Variants in NFKB2 observed in about 807,000 individuals in gnomAD.
NFKB2 encodes the protein nuclear factor NF-kappa-B p100 subunit.
Under a neutral mutation model 109.3 loss-of-function variants are expected in NFKB2, and 21 were observed. The ratio of observed to expected loss-of-function variants is 0.19; its 90% CI spans 0.14 to 0.28. The LOEUF is 0.28. Among genes scored for constraint, NFKB2 ranks in the 10% least tolerant of loss-of-function variants. The probability of loss-of-function intolerance (pLI) is 1.00; values close to 1 mark genes in which losing one functional copy is unlikely to be tolerated. For missense variants in NFKB2, 806 were observed against 1,185.3 expected (o/e 0.68, Z 4.70); for synonymous variants, 478 against 489.9 (o/e 0.98, Z 0.32).
rs2061118223 is a variant in NFKB2, at chr10:102,396,564, A to G, written c.144+75A>G. On this transcript the variant is annotated intron_variant, in intron 4 of 22. Coordinates refer to ENST00000661543, the MANE Select transcript of NFKB2 (RefSeq NM_001322934.2). The surrounding 1 kb of genome is among the most constrained non-coding windows in gnomAD (Gnocchi z 5.9). Reference sequence around the variant, plus strand: ...ATGGGGTAGTGGTAGCTGGCTGGCCATGGAGGAGCCATTGCCGAAGGAGGC... The same window carrying G: ...ATGGGGTAGTGGTAGCTGGCTGGCCGTGGAGGAGCCATTGCCGAAGGAGGC... The G allele has an allele frequency of 6.2e-7, 1 of 1,607,296 alleles. No individual in the cohort carries two copies. The highest frequency in any genetic ancestry group is 1.7e-5 in the Admixed American group (1 of 59,620).
In NFKB2 at chr10:102,397,332, T is replaced by C. The variant is rs749673382; in HGVS notation, c.426T>C (p.Thr142=). The C allele has an allele frequency of 1.2e-6, 2 of 1,613,090 alleles. No homozygotes were observed. The highest frequency in any genetic ancestry group is 2.2e-5 in the East Asian group (1 of 44,812). The change falls in exon 7 of 23, where the codon ACT becomes ACC. Residue 142 remains threonine (T), a synonymous_variant. Coordinates refer to ENST00000661543, the MANE Select transcript of NFKB2 (RefSeq NM_001322934.2). The surrounding 1 kb of genome is among the most constrained non-coding windows in gnomAD (Gnocchi z 4.7). ...QFNNLGVLHV[T]KKNMMGTMIQ... ...ACAACCTGGGTGTCCTGCATGTGAC[T>C]AAGAAGAACATGATGGGGACTATGA... is the stretch of plus-strand genomic sequence containing the variant.
chr10:102,396,379 G>GAGA lies in NFKB2; in HGVS notation c.103+46_103+48dup. 1 of 1,613,912 alleles carries GAGA rather than the reference G, an allele frequency of 6.2e-7. No individual in the cohort carries two copies. The highest frequency in any genetic ancestry group is 8.5e-7 in the Non-Finnish European group (1 of 1,179,794). ...TCCCCTAGTCCTAAAGCGGGGGAGG[G>GAGA]AGAGCATGTGCCCTCTCTCTGGGGG... On this transcript the variant is annotated intron_variant, in intron 3 of 22. Transcript: ENST00000661543. This position sits in a 1 kb window ranked among gnomAD's most constrained non-coding sequence, Gnocchi z 5.9.
Position 102,398,546 on chromosome 10 carries a change from A to C in NFKB2, c.991+23A>C, listed in dbSNP as rs762656106. On this transcript the variant is annotated intron_variant, in intron 11 of 22. Coordinates refer to ENST00000661543, the MANE Select transcript of NFKB2 (RefSeq NM_001322934.2). This position sits in a 1 kb window ranked among gnomAD's most constrained non-coding sequence, Gnocchi z 6.6. ...AAGGTGGAGCTGGGCTGAGGACCTC[A>C]GGGTGCTGGCGGGGGGCCAGGCTGG... 6.8e-6 allele frequency: 11 copies of C among 1,611,646 alleles called. No homozygotes were observed. The highest frequency in any genetic ancestry group is 9.3e-6 in the Non-Finnish European group (11 of 1,178,278).
Position 102,401,925 on chromosome 10 carries a change from G to T in NFKB2, c.2466+8G>T. 1.2e-6 allele frequency: 2 copies of T among 1,608,206 alleles called. No individual in the cohort carries two copies. The highest frequency in any genetic ancestry group is 2.2e-5 in the South Asian group (2 of 90,330). On this transcript the variant is annotated splice_region_variant and intron_variant, in intron 21 of 22. Transcript: ENST00000661543. This position sits in a 1 kb window ranked among gnomAD's most constrained non-coding sequence, Gnocchi z 4.2. ...CTCCTGCGCAGCTACGAGGTGGGTT[G>T]GCCTGTGCCCTGCCCCCTCCCCAGC...
Position 102,400,225 on chromosome 10 carries a change from G to A in NFKB2, c.1584+31G>A, listed in dbSNP as rs1315864529. On this transcript the variant is annotated intron_variant, in intron 15 of 22. Coordinates refer to ENST00000661543, the MANE Select transcript of NFKB2 (RefSeq NM_001322934.2). This position sits in a 1 kb window ranked among gnomAD's most constrained non-coding sequence, Gnocchi z 6.3. ...GGGGCGCCTACTGGGGAGGTGGGAG[G>A]GGTTGGAAGGCAAGTGGGTCTCGGG... 4.3e-6 allele frequency: 7 copies of A among 1,613,918 alleles called. No homozygotes were observed. The South Asian group carries it at 5.5e-5, about 13-fold the overall frequency.
Position 102,397,701 on chromosome 10 carries a change from G to C in NFKB2, c.661+16G>C. On this transcript the variant is annotated intron_variant, in intron 8 of 22. Coordinates refer to ENST00000661543, the MANE Select transcript of NFKB2 (RefSeq NM_001322934.2). This position sits in a 1 kb window ranked among gnomAD's most constrained non-coding sequence, Gnocchi z 4.7. ...CATGACAGCAGTGAGTATCCTGATT[G>C]CCTGGGGTGCCAGGCCTGGTGGCAG... The C allele has an allele frequency of 6.3e-7, 1 of 1,595,410 alleles. No individual in the cohort carries two copies. The highest frequency in any genetic ancestry group is 8.6e-7 in the Non-Finnish European group (1 of 1,165,404).
Position 102,401,248 on chromosome 10 carries a change from G to T in NFKB2, c.2140G>T (p.Asp714Tyr), listed in dbSNP as rs1467678334. The T allele has an allele frequency of 6.2e-7, 1 of 1,611,782 alleles. No homozygotes were observed. Among genetic ancestry groups the T allele is most frequent in the Non-Finnish European group, 8.5e-7 (1 of 1,178,712 alleles). ...GCCTTCACCCCCTACCTCTGATAGC[G>T]ACTCGGACTCTGAAGGGCCTGAGAA... ...PLPSPPTSDS[D>Y]SDSEGPEKDT... The change falls in exon 19 of 23, where the codon GAC becomes TAC. Residue 714 changes from aspartate to tyrosine, a missense_variant. Physicochemically the swap from Asp to Tyr is radical, Grantham distance 160. This residue lies in a region of NFKB2 where 211 missense variants were observed against 268.7 expected (regional missense o/e 0.79). Transcript: ENST00000661543. This position sits in a 1 kb window ranked among gnomAD's most constrained non-coding sequence, Gnocchi z 4.2.
chr10:102,397,457 TC>T lies in NFKB2; in HGVS notation c.502+50del, dbSNP rs1416274436. The T allele has an allele frequency of 1.6e-6, 1 of 637,292 alleles. No individual in the cohort carries two copies. The highest frequency in any genetic ancestry group is 2.7e-6 in the Non-Finnish European group (1 of 365,996). The allele number at this position is 637,292 out of a possible 1,614,324, so 39.5% of individuals were successfully genotyped here. ...GGTATGGGTGCAGGGGGTGGGTGGG[TC>T]ATGGGAGGTGCTCATGGAAGGAGCA... On this transcript the variant is annotated intron_variant, in intron 7 of 22. Transcript: ENST00000661543. This position sits in a 1 kb window ranked among gnomAD's most constrained non-coding sequence, Gnocchi z 4.7.
rs1288653337 is a variant in NFKB2, at chr10:102,398,474, A to G, written c.942A>G (p.Gly314=). 2 of 1,614,138 alleles carry G rather than the reference A, an allele frequency of 1.2e-6. No individual in the cohort carries two copies. The highest frequency in any genetic ancestry group is 2.2e-5 in the South Asian group (2 of 91,084). ...TVFLQLKRKR[G]GDVSDSKQFT... is the part of the protein sequence containing the mutation. ...TTCTGCAACTGAAACGCAAGCGAGG[A>G]GGGGACGTGTCTGATTCCAAACAGT... is the stretch of plus-strand genomic sequence containing the variant. Residue 314 remains glycine, a synonymous_variant, in exon 11 of 23, where the codon GGA becomes GGG. Transcript: ENST00000661543. This position sits in a 1 kb window ranked among gnomAD's most constrained non-coding sequence, Gnocchi z 6.6.
In NFKB2 at chr10:102,397,732, G is replaced by C. The variant is rs754903260; in HGVS notation, c.661+47G>C. On this transcript the variant is annotated intron_variant, in intron 8 of 22. Transcript: ENST00000661543. The surrounding 1 kb of genome is among the most constrained non-coding windows in gnomAD (Gnocchi z 4.7). ...GGTGCCAGGCCTGGTGGCAGAGGTGGCATGAGGGGTGACCTCAAGCTGTGC... is the reference window on the plus strand; with the variant it reads ...GGTGCCAGGCCTGGTGGCAGAGGTGCCATGAGGGGTGACCTCAAGCTGTGC... 7 of 1,581,778 alleles carry C rather than the reference G, an allele frequency of 4.4e-6. No individual in the cohort carries two copies. The Admixed American group carries it at 1.2e-4, about 27-fold the overall frequency.
upstream of NFKB2, chr10:102,395,592 G>C (rs938557401): frequency 7.2e-6 from 3 of 415,744 alleles, no homozygotes; most frequent in Admixed American, 3.9e-5. Flanking sequence ...GTAGACTGTC[G>C]AGGGCCTCCC....
Position 102,401,973 on chromosome 10 carries a change from G to T in NFKB2, c.2466+56G>T. ...AGCCTCCTTTCCCGATCTGAGTCCA[G>T]GTGCCTCCTTGGCCCCAGGGCTCCC... On this transcript the variant is annotated intron_variant, in intron 21 of 22. Transcript: ENST00000661543. The surrounding 1 kb of genome is among the most constrained non-coding windows in gnomAD (Gnocchi z 4.2). 6.3e-7 allele frequency: 1 copy of T among 1,592,138 alleles called. No homozygotes were observed. Among genetic ancestry groups the T allele is most frequent in the African/African-American group, 1.3e-5 (1 of 74,636 alleles).
rs760595901 is a variant in NFKB2 at position 102,398,767 on chromosome 10, G to A, written c.1020G>A (p.Arg340=). The part of the protein sequence containing the change: ...EDKEEVQRKR[R]KALPTFSQPF... ...AGGAAGAGGTGCAGCGGAAGCGGAG[G>A]AAGGCCTTGCCCACCTTCTCCCAGC... Residue 340 remains arginine (R), a synonymous_variant, in exon 12 of 23, where the codon AGG becomes AGA. Transcript: ENST00000661543. This position sits in a 1 kb window ranked among gnomAD's most constrained non-coding sequence, Gnocchi z 6.6. 1.9e-5 allele frequency: 30 copies of A among 1,612,484 alleles called. No homozygotes were observed. The highest frequency in any genetic ancestry group is 2.3e-5 in the Non-Finnish European group (27 of 1,179,938).
In NFKB2 at chr10:102,400,120, A is replaced by G; in HGVS notation, c.1510A>G (p.Ile504Val). Reference sequence around the variant, plus strand: ...CATCATCCACGGGCAGACCAGTGTCATTGAGCAGATAGTCTATGTCATCCA... The same window carrying G: ...CATCATCCACGGGCAGACCAGTGTCGTTGAGCAGATAGTCTATGTCATCCA... ...LAIIHGQTSVIEQIVYVIHHA... is the reference protein window; with the variant it reads ...LAIIHGQTSVVEQIVYVIHHA... The change falls in exon 15 of 23, where the codon ATT becomes GTT. Residue 504 changes from isoleucine to valine, a missense_variant. Physicochemically the swap from Ile to Val is conservative, Grantham distance 29 (BLOSUM62 3). This residue lies in a region of NFKB2 where 163 missense variants were observed against 207.1 expected (regional missense o/e 0.79). Transcript: ENST00000661543. The surrounding 1 kb of genome is among the most constrained non-coding windows in gnomAD (Gnocchi z 6.3). The G allele has an allele frequency of 2.5e-6, 4 of 1,614,134 alleles. No individual in the cohort carries two copies. Among genetic ancestry groups the G allele is most frequent in the Non-Finnish European group, 3.4e-6 (4 of 1,180,008 alleles).
chr10:102,400,364 T>C lies in NFKB2; in HGVS notation c.1671T>C (p.Asp557=). 6.2e-7 allele frequency: 1 copy of C among 1,613,712 alleles called. No homozygotes were observed. Among genetic ancestry groups the C allele is most frequent in the Non-Finnish European group, 8.5e-7 (1 of 1,179,978 alleles). The change falls in exon 16 of 23, where the codon GAT becomes GAC. Residue 557 remains aspartate, a synonymous_variant. Transcript: ENST00000661543. The surrounding 1 kb of genome is among the most constrained non-coding windows in gnomAD (Gnocchi z 6.3). ...TAGGTGCAGACCCAGCTCTGCTGGA[T>C]CGGCATGGAGACTCAGCCATGCATC... ...LRVGADPALL[D]RHGDSAMHLA...
Position 102,402,371 on chromosome 10 carries a change from C to T in NFKB2, c.2698C>T (p.His900Tyr), listed in dbSNP as rs1380685648. ...LCHGHPQPQV[H>Y] ...CCACGGGCACCCCCAGCCTCAGGTG[C>T]ACTGACCTGCTGCCTGCCCCCAGCC... The change falls in exon 23 of 23, where the codon CAC becomes TAC. Residue 900 changes from histidine (H) to tyrosine (Y), a missense_variant. Physicochemically the swap from His to Tyr is moderately conservative, Grantham distance 83 (BLOSUM62 2). Transcript: ENST00000661543. The T allele has an allele frequency of 6.5e-7, 1 of 1,537,208 alleles. No homozygotes were observed. Among genetic ancestry groups the T allele is most frequent in the Non-Finnish European group, 8.8e-7 (1 of 1,141,446 alleles).
rs376860169 is a variant in NFKB2 at position 102,401,072 on chromosome 10, C to T, written c.2071+23C>T. On this transcript the variant is annotated intron_variant, in intron 18 of 22. Coordinates refer to ENST00000661543, the MANE Select transcript of NFKB2 (RefSeq NM_001322934.2). This position sits in a 1 kb window ranked among gnomAD's most constrained non-coding sequence, Gnocchi z 4.2. ...CTGGTCAGTCTCACCCTCAGGGGCACTTGAACAGGGTGGGGGGAAGGGAGA... is the reference window on the plus strand; with the variant it reads ...CTGGTCAGTCTCACCCTCAGGGGCATTTGAACAGGGTGGGGGGAAGGGAGA... 2 of 1,613,968 alleles carry T rather than the reference C, an allele frequency of 1.2e-6. No individual in the cohort carries two copies. Among genetic ancestry groups the T allele is most frequent in the Non-Finnish European group, 1.7e-6 (2 of 1,179,872 alleles).
In NFKB2 at chr10:102,401,759, C is replaced by T. The variant is rs759059168; in HGVS notation, c.2308C>T (p.Leu770Phe). The change falls in exon 21 of 23, where the codon CTT becomes TTT. Residue 770 changes from leucine to phenylalanine, a missense_variant. Physicochemically the swap from Leu to Phe is conservative, Grantham distance 22 (BLOSUM62 0). This residue lies in a region of NFKB2 where 211 missense variants were observed against 268.7 expected (regional missense o/e 0.79). Transcript: ENST00000661543. This position sits in a 1 kb window ranked among gnomAD's most constrained non-coding sequence, Gnocchi z 4.2. ...GTCCCCCTAAGGGCCGGGACTGTCA[C>T]TTGGTGATACAGCTCTGCAGAACCT... ...PPSPAGPGLS[L>F]GDTALQNLEQ... 2.5e-6 allele frequency: 4 copies of T among 1,604,392 alleles called. No homozygotes were observed. The East Asian group carries it at 8.9e-5, about 36-fold the overall frequency.
Position 102,400,004 on chromosome 10 carries a change from CTA to C in NFKB2, c.1470-74_1470-73del. On this transcript the variant is annotated intron_variant, in intron 14 of 22. Transcript: ENST00000661543. This position sits in a 1 kb window ranked among gnomAD's most constrained non-coding sequence, Gnocchi z 6.3. ...GTTCCATGGGCCCCAGCGAGGGAGACTATGAGGGCGGTGGGGCCTTGAAAGCG... is the reference window on the plus strand; with the variant it reads ...GTTCCATGGGCCCCAGCGAGGGAGACTGAGGGCGGTGGGGCCTTGAAAGCG... 7.0e-7 allele frequency: 1 copy of C among 1,438,344 alleles called. No individual in the cohort carries two copies. The highest frequency in any genetic ancestry group is 9.7e-7 in the Non-Finnish European group (1 of 1,031,230). 89.1% of individuals were successfully genotyped at this position (1,438,344 alleles called of 1,614,324 possible). A position where few individuals can be genotyped will look rare whatever the true frequency, so the allele number is the denominator to read the frequency against.
Sources: allele counts gnomAD v4.1 joint callset, GRCh38; gene constraint gnomAD v4.1.1; regional missense constraint gnomAD v4.1.1; non-coding constraint Gnocchi (gnomAD v3.1); transcripts MANE v1.5; gene names NCBI Gene and HGNC (gene_info 2026-07-23, HGNC 2026-07-21).